NUDCD1: variants seen among roughly 807,000 people sequenced by gnomAD.
The protein encoded by NUDCD1 is NudC domain containing 1.
Under a neutral mutation model 67.8 loss-of-function variants are expected in NUDCD1, and 60 were observed. That is an observed-to-expected ratio of 0.88 (90% confidence interval 0.72 to 1.10). The LOEUF (loss-of-function observed/expected upper bound fraction) is 1.10. Ranked by LOEUF, NUDCD1 falls within the 50% of genes least tolerant of loss-of-function variation. The pLI, the probability that NUDCD1 is intolerant of heterozygous loss-of-function variation, is 0.00. For missense variants in NUDCD1, 643 were observed against 695.0 expected, an observed-to-expected ratio of 0.93 and a Z score of 0.84; for synonymous variants, 244 against 230.8, an observed-to-expected ratio of 1.06 and a Z score of -0.52.
At chr8:109,289,958 A>C in intron 4 of NUDCD1, 25 bp from the exon 5 acceptor site, 1 of 1,055,072 alleles carries the variant, frequency 9.5e-7, no homozygotes, top group South Asian at 1.8e-5. Flanking sequence ...TTTCAGAACA[A>C]AACATTACAA....
chr8:109,243,993 A>G (rs1813439178), intron 9 of NUDCD1, among the ~76,000 whole-genome samples: 2 of 152,086 alleles, frequency 1.3e-5, no homozygotes, highest in African/African-American at 4.8e-5. Flanking sequence ...ATCTTTTTGG[A>G]TTAAAACAAC....
chr8:109,302,971 C>T (rs978193806), intron 2 of NUDCD1, among the ~76,000 whole-genome samples: 2 of 152,216 alleles, frequency 1.3e-5, no homozygotes, highest in Non-Finnish European at 2.9e-5. Context: ...AATTACTCGC[C>T]TCCACTGTGA....
intron 1 of NUDCD1, among the ~76,000 whole-genome samples, chr8:109,328,448 C>G (rs1815728520): frequency 6.6e-6 from 1 of 152,034 alleles, no homozygotes; most frequent in Admixed American, 6.6e-5. Context: ...GAGAGAAGCC[C>G]AGAGATCTGA....
intron 1 of NUDCD1, among the ~76,000 whole-genome samples, chr8:109,325,416 A>T (rs1023623160): frequency 2.6e-5 from 4 of 152,218 alleles, no homozygotes; most frequent in Non-Finnish European, 4.4e-5. Flanking sequence ...CTAAATACTG[A>T]TTTGATCATT....
intron 6 of NUDCD1, among the ~76,000 whole-genome samples, chr8:109,276,396 A>T (rs995733373): frequency 6.6e-6 from 1 of 152,232 alleles, no homozygotes; most frequent in Non-Finnish European, 1.5e-5. Context: ...TCCATGTGCC[A>T]TCTTTCGTAC....
At chr8:109,315,068 A>G (rs1223691033) in intron 2 of NUDCD1, 1 of 152,180 alleles carries the variant, frequency 6.6e-6, no homozygotes, top group African/African-American at 2.4e-5. Context: ...TGGACAAAGT[A>G]TTTTCATCAT....
intron 2 of NUDCD1, chr8:109,315,613 C>T (rs1183562499): frequency 1.3e-5 from 2 of 152,090 alleles, no homozygotes; most frequent in Non-Finnish European, 2.9e-5. Context: ...ATGTCCCCTA[C>T]TGATCAAGCA....
intron 2 of NUDCD1, among the ~76,000 whole-genome samples, chr8:109,314,635 C>T (rs910244954): frequency 6.6e-6 from 1 of 152,088 alleles, no homozygotes; most frequent in African/African-American, 2.4e-5. Flanking sequence ...TACCCATCCC[C>T]AACCCCCCAA....
intron 2 of NUDCD1, among the ~76,000 whole-genome samples, chr8:109,302,845 T>A (rs1384242490): frequency 6.6e-6 from 1 of 152,186 alleles, no homozygotes; most frequent in Non-Finnish European, 1.5e-5. Context: ...ATGCATTTTA[T>A]TACCCAACCC....
intron 2 of NUDCD1, among the ~76,000 whole-genome samples, chr8:109,314,549 A>G (rs1815342435): frequency 6.6e-6 from 1 of 152,074 alleles, no homozygotes; most frequent in African/African-American, 2.4e-5. Flanking sequence ...CCTACTCCAC[A>G]TTTGCTTGAG....
chr8:109,283,078 A>T (rs1194176787), intron 5 of NUDCD1, among the ~76,000 whole-genome samples: 1 of 152,194 alleles, frequency 6.6e-6, no homozygotes, highest in African/African-American at 2.4e-5. Flanking sequence ...ATGAAGGAAG[A>T]GATAAACATC....
At chr8:109,319,666 AG>A (rs2130125020) in intron 2 of NUDCD1, among the ~76,000 whole-genome samples, 1 of 152,364 alleles carries the variant, frequency 6.6e-6, no homozygotes, top group Admixed American at 6.5e-5. Flanking sequence ...CACATGTCTC[AG>A]GAACTGCAAG....
chr8:109,242,355 A>C lies in NUDCD1; in HGVS notation c.*654T>G. On this transcript the variant is annotated 3_prime_UTR_variant, in exon 10 of 10. Coordinates refer to ENST00000239690, the MANE Select transcript of NUDCD1 (RefSeq NM_032869.4). ...CTCACTGAATCGTGAAAAATAATAA[A>C]AGTCCTTGTTTTAAACCACTGAGTT... The C allele has an allele frequency of 2.6e-6, 1 of 383,784 alleles. No individual in the cohort carries two copies. The highest frequency in any genetic ancestry group is 4.6e-6 in the Non-Finnish European group (1 of 217,104). The allele number at this position is 383,784 out of a possible 1,614,324, so 23.8% of individuals were successfully genotyped here. A position where few individuals can be genotyped will look rare whatever the true frequency, so the allele number is the denominator to read the frequency against.
chr8:109,243,343 A>G (rs773758536), intron 9 of NUDCD1, 42 bp from the exon 10 acceptor site: 3 of 1,440,958 alleles, frequency 2.1e-6, no homozygotes. Flanking sequence ...ACTATATATT[A>G]AACAGAAGGG....
At chr8:109,293,049 A>G (rs547650293) in intron 4 of NUDCD1, among the ~76,000 whole-genome samples, 1 of 152,062 alleles carries the variant, frequency 6.6e-6, no homozygotes, top group East Asian at 1.9e-4. Context: ...ATATATATGC[A>G]TATATTTTTG....
chr8:109,328,543 T>C (rs1209049050), intron 1 of NUDCD1, among the ~76,000 whole-genome samples: 1 of 152,068 alleles, frequency 6.6e-6, no homozygotes, highest in Non-Finnish European at 1.5e-5. Context: ...TCTGAAAGGG[T>C]TGAAGAGAAA....
intron 2 of NUDCD1, among the ~76,000 whole-genome samples, chr8:109,301,745 CCTCT>C (rs1299859976): frequency 1.3e-5 from 2 of 152,244 alleles, no homozygotes; most frequent in African/African-American, 2.4e-5. Flanking sequence ...AGCTCTTTGT[CCTCT>C]CTAATAGAGA....
chr8:109,253,499 T>C (rs1236638890), intron 8 of NUDCD1, among the ~76,000 whole-genome samples: 3 of 152,194 alleles, frequency 2.0e-5, no homozygotes, highest in East Asian at 1.9e-4. Flanking sequence ...GCCAGTGAAT[T>C]TGTTTCCAAA....
chr8:109,258,874 A>C (rs1813801392), intron 8 of NUDCD1, among the ~76,000 whole-genome samples: 1 of 152,244 alleles, frequency 6.6e-6, no homozygotes, highest in Non-Finnish European at 1.5e-5. Context: ...AGACTTCTGC[A>C]CATAAGTCCA....
Sources: gnomAD v4.1 joint callset for allele counts (sites outside exome capture counted in the v4.1 genomes callset) on GRCh38, gnomAD v4.1.1 for gene constraint, MANE v1.5 for transcripts, NCBI Gene and HGNC (gene_info 2026-07-23, HGNC 2026-07-21) for gene names.